Variants in FAM133B observed in about 807,000 individuals in gnomAD.
FAM133B encodes the protein family with sequence similarity 133 member B, also known as protein FAM133B.
A neutral mutation model predicts 46.4 loss-of-function variants in FAM133B; 25 were observed. That is an observed-to-expected ratio of 0.54 (90% confidence interval 0.39 to 0.75). FAM133B has a LOEUF of 0.75. FAM133B is among the 30% of genes least tolerant of loss of function. FAM133B has a pLI of 0.00. For synonymous variants in FAM133B, 75 were observed against 86.0 expected, an observed-to-expected ratio of 0.87 and a Z score of 0.71; for missense variants, 205 against 277.6, an observed-to-expected ratio of 0.74 and a Z score of 1.86.
chr7:92,579,175 G>C (rs1027720671), intron 3 of FAM133B, 142 bp downstream of exon 3: 188 of 563,280 alleles, frequency 3.3e-4, no homozygotes, highest in Non-Finnish European at 5.1e-4. Flanking sequence ...AAGGGCGGCG[G>C]GGGGGGGCCT....
chr7:92,577,669 C>A lies in FAM133B; in HGVS notation c.358G>T (p.Asp120Tyr). ...GCAAACCTTACCTCATCTTCAGAAT[C>A]AGAAGAACTGCTGGAAGAATCAGAG... ...SSSDSSSSSS[D>Y]SEDEDKKQGK... Residue 120 changes from aspartate (D) to tyrosine (Y), a missense_variant, in exon 6 of 11, where the codon GAT becomes TAT. Transcript: ENST00000445716. 6.3e-7 allele frequency: 1 copy of A among 1,582,910 alleles called. No homozygotes were observed. Among genetic ancestry groups the A allele is most frequent in the East Asian group, 2.3e-5 (1 of 43,928 alleles).
intron 8 of FAM133B, 108 bp downstream of exon 8, chr7:92,575,662 CA>C (rs1267902724): frequency 8.0e-6 from 4 of 501,022 alleles, no homozygotes; most frequent in Admixed American, 8.7e-5. Context: ...CAAAATATTA[CA>C]AAAACAAAAT....
At chr7:92,571,054 T>C (rs1282210150) in intron 8 of FAM133B, among the ~76,000 whole-genome samples, 2 of 152,196 alleles carry the variant, frequency 1.3e-5, no homozygotes, top group African/African-American at 4.8e-5. Flanking sequence ...TTAACCCATC[T>C]CCTTCTGGAG....
intron 7 of FAM133B, 86 bp from the exon 8 acceptor site, chr7:92,575,907 G>T: frequency 1.9e-6 from 1 of 528,172 alleles, no homozygotes. Context: ...AAAGTGATTT[G>T]CTCTATGACT....
chr7:92,574,180 G>A (rs1043173409), intron 8 of FAM133B, among the ~76,000 whole-genome samples: 2 of 152,130 alleles, frequency 1.3e-5, no homozygotes, highest in Admixed American at 6.5e-5. Flanking sequence ...AAAACCAAAT[G>A]TCCATCAACA....
At chr7:92,570,362 T>C (rs1310055136) in intron 8 of FAM133B, among the ~76,000 whole-genome samples, 1 of 152,018 alleles carries the variant, frequency 6.6e-6, no homozygotes, top group East Asian at 1.9e-4. Flanking sequence ...TAAATGTAAA[T>C]ATGTGTTTAA....
chr7:92,574,782 G>A (rs550082983), intron 8 of FAM133B, among the ~76,000 whole-genome samples: 3 of 151,780 alleles, frequency 2.0e-5, no homozygotes, highest in Non-Finnish European at 4.4e-5. Context: ...GCGGGCGCCT[G>A]TAGTCCCAGC....
intron 8 of FAM133B, among the ~76,000 whole-genome samples, chr7:92,574,322 G>A (rs1446932562): frequency 6.6e-6 from 1 of 152,182 alleles, no homozygotes; most frequent in Admixed American, 6.5e-5. Context: ...AGACACAAAA[G>A]GTCGCATATT....
chr7:92,578,080 A>G, intron 5 of FAM133B, 70 bp downstream of exon 5: 2 of 1,385,644 alleles, frequency 1.4e-6, no homozygotes, highest in East Asian at 4.6e-5. Context: ...TACAGGTTAA[A>G]CAAATTATTC....
chr7:92,575,932 C>G, intron 7 of FAM133B, 111 bp from the exon 8 acceptor site: 1 of 458,778 alleles, frequency 2.2e-6, no homozygotes, highest in Non-Finnish European at 4.0e-6. Flanking sequence ...AAAGGCTACT[C>G]CAATCCCAGT....
intron 3 of FAM133B, among the ~76,000 whole-genome samples, chr7:92,578,881 A>G (rs1235397439): frequency 6.6e-6 from 1 of 152,182 alleles, no homozygotes; most frequent in East Asian, 1.9e-4. Context: ...ACCTGTCTCT[A>G]CTAAAGATAA....
chr7:92,573,954 T>G (rs1344886382), intron 8 of FAM133B, among the ~76,000 whole-genome samples: 1 of 152,120 alleles, frequency 6.6e-6, no homozygotes, highest in Non-Finnish European at 1.5e-5. Context: ...CCTTGTGGGC[T>G]CAGTCTCCCA....
intron 10 of FAM133B, 63 bp downstream of exon 10, chr7:92,565,951 C>G (rs1585296139): frequency 6.5e-7 from 1 of 1,540,464 alleles, no homozygotes; most frequent in East Asian, 2.2e-5. Flanking sequence ...TTTACCATGA[C>G]TCATTTTATA....
chr7:92,588,963 C>T (rs750693219), intron 1 of FAM133B, among the ~76,000 whole-genome samples: 1 of 152,168 alleles, frequency 6.6e-6, no homozygotes, highest in African/African-American at 2.4e-5. Flanking sequence ...CAATTAAACA[C>T]TTTTCTTTAT....
At chr7:92,579,753 G>A (rs1411666571) in intron 2 of FAM133B, among the ~76,000 whole-genome samples, 1 of 152,140 alleles carries the variant, frequency 6.6e-6, no homozygotes, top group Non-Finnish European at 1.5e-5. Context: ...GCTTGGAGAA[G>A]GTAAGAAATC....
At position 92,561,203 on chromosome 7, in the gene FAM133B, G is replaced by GTT. The variant is rs550207436; in HGVS notation, c.*1077_*1078dup. On this transcript the variant is annotated 3_prime_UTR_variant, in exon 11 of 11. Transcript: ENST00000445716. ...TAAGTCTCAGCTTCAATATGAAGCC[G>GTT]TTTTTTTTTTTTAATCAAAACCCTG... is the stretch of plus-strand genomic sequence containing the variant. 2 of 127,740 alleles carry GTT rather than the reference G, an allele frequency of 1.6e-5. No homozygotes were observed. The highest frequency in any genetic ancestry group is 2.9e-5 in the African/African-American group (1 of 34,228). The allele number at this position is 127,740 out of a possible 1,614,324, so 7.9% of individuals were successfully genotyped here.
intron 8 of FAM133B, among the ~76,000 whole-genome samples, chr7:92,571,349 A>G (rs1253611684): frequency 6.6e-6 from 1 of 152,138 alleles, no homozygotes; most frequent in Non-Finnish European, 1.5e-5. Context: ...TTGTCTGTGT[A>G]TGTGTGGTAT....
Position 92,581,514 on chromosome 7 carries a change from C to T in FAM133B, c.114G>A (p.Arg38=), listed in dbSNP as rs775954764. The change falls in exon 2 of 11, where the codon AGG becomes AGA. Residue 38 remains arginine, a synonymous_variant. Transcript: ENST00000445716. The stretch of plus-strand genomic sequence containing the variant: ...AAGTGTTTCACAAATACCAGGTAGG[C>T]CTTGGTCGATTCAGATAATCCTGTA... The part of the protein sequence containing the change: ...PTIQDYLNRP[R]PTWEEVKEQL... 3.1e-6 allele frequency: 5 copies of T among 1,612,222 alleles called. No homozygotes were observed. Among genetic ancestry groups the T allele is most frequent in the Non-Finnish European group, 4.2e-6 (5 of 1,178,438 alleles).
chr7:92,578,159 T>C lies in FAM133B; in HGVS notation c.300A>G (p.Lys100=), dbSNP rs1562894839. The C allele has an allele frequency of 1.2e-6, 2 of 1,610,088 alleles. No individual in the cohort carries two copies. The highest frequency in any genetic ancestry group is 1.7e-5 in the Admixed American group (1 of 59,322). ...GAAAATTTTTGCTCACCCTACCAGA[T>C]TTCTTCTTTTCTTTTTTCTTTCTCT... ...KRQRKKKEKK[K]SGRYSSSSSS... The change falls in exon 5 of 11, where the codon AAA becomes AAG. Residue 100 remains lysine, a synonymous_variant. Coordinates refer to ENST00000445716, the MANE Select transcript of FAM133B (RefSeq NM_152789.4).
Sources: gnomAD v4.1 joint callset for allele counts (sites outside exome capture counted in the v4.1 genomes callset) on GRCh38, gnomAD v4.1.1 for gene constraint, MANE v1.5 for transcripts, NCBI Gene and HGNC (gene_info 2026-07-23, HGNC 2026-07-21) for gene names.